Variants in LOXL2 observed in about 807,000 individuals in gnomAD.
LOXL2 encodes the protein lysyl oxidase like 2, also known as lysyl oxidase homolog 2.
Under a neutral mutation model 93.0 loss-of-function variants are expected in LOXL2, and 70 were observed. The ratio of observed to expected loss-of-function variants is 0.75; its 90% CI spans 0.62 to 0.92. LOXL2 has a LOEUF of 0.92. Among genes scored for constraint, LOXL2 ranks in the 40% least tolerant of loss-of-function variants. The pLI is 0.00. For missense variants in LOXL2, 973 were observed against 1,054.9 expected, an observed-to-expected ratio of 0.92 and a Z score of 1.08; for synonymous variants, 438 against 413.2, an observed-to-expected ratio of 1.06 and a Z score of -0.73.
At chr8:23,387,874 C>T (rs1427181794) in intron 1 of LOXL2, among the ~76,000 whole-genome samples, 7 of 152,068 alleles carry the variant, frequency 4.6e-5, no homozygotes, top group African/African-American at 1.4e-4. Flanking sequence ...CACTTGAACC[C>T]GGAAGGCAGA....
At chr8:23,338,564 A>G (rs1337408628) in intron 4 of LOXL2, among the ~76,000 whole-genome samples, 1 of 152,124 alleles carries the variant, frequency 6.6e-6, no homozygotes. Flanking sequence ...TTTCCTGCAG[A>G]GTGGGCAGTG....
intron 2 of LOXL2, among the ~76,000 whole-genome samples, chr8:23,360,752 AATG>A (rs1804276054): frequency 6.6e-6 from 1 of 152,150 alleles, no homozygotes; most frequent in Admixed American, 6.5e-5. Flanking sequence ...TGATGATGAT[AATG>A]ATGACGATGA....
At chr8:23,386,322 T>C (rs1222159571) in intron 1 of LOXL2, among the ~76,000 whole-genome samples, 2 of 152,142 alleles carry the variant, frequency 1.3e-5, no homozygotes, top group African/African-American at 4.8e-5. Flanking sequence ...GAACCCTGAA[T>C]GTGGAGGTTG....
chr8:23,369,034 T>C (rs533407571), intron 1 of LOXL2, among the ~76,000 whole-genome samples: 4 of 152,254 alleles, frequency 2.6e-5, no homozygotes, highest in South Asian at 4.1e-4. Flanking sequence ...GCTGAGCCCA[T>C]TGAGGGAGCC....
chr8:23,361,864 C>CAAA (rs140501210), intron 2 of LOXL2, among the ~76,000 whole-genome samples: 3 of 109,650 alleles, frequency 2.7e-5, no homozygotes, highest in Admixed American at 2.4e-4. Flanking sequence ...CAAAACAAAA[C>CAAA]AAACAAAAAA....
Position 23,297,722 on chromosome 8 carries a change from C to CCGGCGTATCA in LOXL2, c.*320_*321insTGATACGCCG. 1 of 211,652 alleles carries CCGGCGTATCA rather than the reference C, an allele frequency of 4.7e-6. No individual in the cohort carries two copies. Among genetic ancestry groups the CCGGCGTATCA allele is most frequent in the Non-Finnish European group, 9.2e-6 (1 of 108,772 alleles). 13.1% of individuals were successfully genotyped at this position (211,652 alleles called of 1,614,324 possible). On this transcript the variant is annotated 3_prime_UTR_variant, in exon 14 of 14. Transcript: ENST00000389131. ...ACTGTGTCTGTGGTGAGCTCGGTGGCTTGAATGGGACAAGCTGATGACAAC... is the reference window on the plus strand; with the variant it reads ...ACTGTGTCTGTGGTGAGCTCGGTGGCCGGCGTATCATTGAATGGGACAAGCTGATGACAAC...
At position 23,368,071 on chromosome 8, in the gene LOXL2, T is replaced by A. The variant is rs772216024; in HGVS notation, c.281A>T (p.His94Leu). The change falls in exon 2 of 14, where the codon CAC (histidine) becomes CTC (leucine). Residue 94 changes from histidine to leucine, a missense_variant. Physicochemically the swap from His to Leu is moderately conservative, Grantham distance 99 (BLOSUM62 -3). Transcript: ENST00000389131. Reference sequence around the variant, plus strand: ...GTAGCCCAGCTCCCGGCAGACGACGTGGGCAGCGTGGATGGAGAAGTCGTC... The same window carrying A: ...GTAGCCCAGCTCCCGGCAGACGACGAGGGCAGCGTGGATGGAGAAGTCGTC... ...CDDDFSIHAA[H>L]VVCRELGYVE... is the part of the protein sequence containing the mutation. 6.8e-6 allele frequency: 11 copies of A among 1,614,014 alleles called. No homozygotes were observed. In the Admixed American group the frequency reaches 1.8e-4, roughly 27 times the overall value.
At chr8:23,319,330 C>G (rs1803455646) in intron 8 of LOXL2, among the ~76,000 whole-genome samples, 1 of 152,178 alleles carries the variant, frequency 6.6e-6, no homozygotes, top group Non-Finnish European at 1.5e-5. Context: ...TCAGCTGAGT[C>G]ACTCTCTTTG....
intron 1 of LOXL2, 30 bp from the exon 2 acceptor site, chr8:23,368,464 G>T: frequency 1.2e-6 from 1 of 843,734 alleles, no homozygotes. Flanking sequence ...CGTTAGGATG[G>T]GAACGTGGGG....
At chr8:23,342,952 T>G (rs1031798347) in intron 3 of LOXL2, among the ~76,000 whole-genome samples, 1 of 152,106 alleles carries the variant, frequency 6.6e-6, no homozygotes, top group Admixed American at 6.5e-5. Context: ...GGTCTCACTA[T>G]GTTGCCTAAG....
chr8:23,356,886 G>A (rs182793235), intron 3 of LOXL2, among the ~76,000 whole-genome samples: 4 of 152,118 alleles, frequency 2.6e-5, no homozygotes, highest in East Asian at 1.9e-4. Context: ...TCTCCAAGGC[G>A]TACATCTTGT....
chr8:23,320,157 G>A, intron 7 of LOXL2, 105 bp from the exon 8 acceptor site: 1 of 1,197,328 alleles, frequency 8.4e-7, no homozygotes. Context: ...AGGTGGTGCT[G>A]CCCGGGACAC....
chr8:23,379,915 G>A (rs377664988), intron 1 of LOXL2, among the ~76,000 whole-genome samples: 9 of 152,102 alleles, frequency 5.9e-5, no homozygotes, highest in East Asian at 5.8e-4. Flanking sequence ...GCCTTGCTTC[G>A]GCTCACACTC....
intron 8 of LOXL2, among the ~76,000 whole-genome samples, chr8:23,317,456 T>C (rs1166195166): frequency 6.6e-6 from 1 of 152,194 alleles, no homozygotes; most frequent in Non-Finnish European, 1.5e-5. Flanking sequence ...CAGACATTGC[T>C]AATCAATCAC....
At chr8:23,302,198 G>A (rs749381654) in intron 11 of LOXL2, 35 bp from the exon 12 acceptor site, 1 of 1,610,392 alleles carries the variant, frequency 6.2e-7, no homozygotes. Context: ...CATCACCAGG[G>A]AACCATGGCC....
At chr8:23,367,556 G>A (rs972675582) in intron 2 of LOXL2, among the ~76,000 whole-genome samples, 1 of 152,130 alleles carries the variant, frequency 6.6e-6, no homozygotes, top group African/African-American at 2.4e-5. Context: ...GAGCCATTGT[G>A]AGGAAGAGCA....
At chr8:23,395,020 C>T (rs547894423) in intron 1 of LOXL2, among the ~76,000 whole-genome samples, 3 of 152,110 alleles carry the variant, frequency 2.0e-5, no homozygotes, top group Non-Finnish European at 2.9e-5. Flanking sequence ...CTTTGGGAGG[C>T]CAAGGTGGGC....
chr8:23,368,398 G>T lies in LOXL2; in HGVS notation c.-47C>A. ...CCCACGAAGGGGCCCTGCGCAGCTGGGAGGGACAGGCGGGGTACAGAAGCA... is the reference window on the plus strand; with the variant it reads ...CCCACGAAGGGGCCCTGCGCAGCTGTGAGGGACAGGCGGGGTACAGAAGCA... On this transcript the variant is annotated 5_prime_UTR_variant, in exon 2 of 14. Transcript: ENST00000389131. 6.5e-7 allele frequency: 1 copy of T among 1,533,076 alleles called. No individual in the cohort carries two copies. Among genetic ancestry groups the T allele is most frequent in the Non-Finnish European group, 9.0e-7 (1 of 1,116,314 alleles). 95.0% of individuals were successfully genotyped at this position (1,533,076 alleles called of 1,614,324 possible).
intron 5 of LOXL2, among the ~76,000 whole-genome samples, chr8:23,330,671 G>C (rs746181317): frequency 1.3e-5 from 2 of 152,132 alleles, no homozygotes; most frequent in Non-Finnish European, 2.9e-5. Context: ...GCTTTAAACC[G>C]CACAGTAGAG....
Sources: gnomAD v4.1 joint callset for allele counts (sites outside exome capture counted in the v4.1 genomes callset) on GRCh38, gnomAD v4.1.1 for gene constraint, MANE v1.5 for transcripts, NCBI Gene and HGNC (gene_info 2026-07-23, HGNC 2026-07-21) for gene names.